Variants in CNTN4 observed in about 807,000 individuals in gnomAD.
CNTN4 encodes contactin-4.
CNTN4 carries 77 observed loss-of-function variants against 122.5 expected under a neutral mutation model. The ratio of observed to expected loss-of-function variants is 0.63; its 90% CI spans 0.52 to 0.76. The LOEUF (loss-of-function observed/expected upper bound fraction) is 0.76, where lower values mean the gene tolerates loss of function less well. CNTN4 is among the 30% of genes least tolerant of loss of function. CNTN4 has a pLI of 0.00. For synonymous variants in CNTN4, 512 were observed against 447.0 expected (o/e 1.15, Z -1.83); for missense variants, 1,256 against 1,259.1 (o/e 1.00, Z 0.04).
intron 3 of CNTN4, among the ~76,000 whole-genome samples, chr3:2,366,388 C>T (rs1382158925): frequency 2.0e-5 from 3 of 152,164 alleles, no homozygotes; most frequent in South Asian, 4.1e-4. Flanking sequence ...AAACTTATGC[C>T]CATTTCATTC....
intron 3 of CNTN4, among the ~76,000 whole-genome samples, chr3:2,373,010 G>C (rs1311766199): frequency 6.6e-6 from 1 of 152,122 alleles, no homozygotes; most frequent in African/African-American, 2.4e-5. Context: ...TCTCACCACT[G>C]CACCCCATCC....
At chr3:2,767,150 CAA>C (rs1411538076) in intron 6 of CNTN4, among the ~76,000 whole-genome samples, 1 of 152,080 alleles carries the variant, frequency 6.6e-6, no homozygotes, top group Non-Finnish European at 1.5e-5. Context: ...GCGAGGGTGA[CAA>C]AGAGAAGCTG....
chr3:2,556,890 G>A (rs370147593), intron 3 of CNTN4, among the ~76,000 whole-genome samples: 1 of 152,020 alleles, frequency 6.6e-6, no homozygotes, highest in Non-Finnish European at 1.5e-5. Flanking sequence ...ATGGAACAAA[G>A]TTTTTTCTAA....
At position 2,808,818 on chromosome 3, in the gene CNTN4, T is replaced by G. The variant is rs573219286; in HGVS notation, c.359-10668T>G. On this transcript the variant is annotated intron_variant, in intron 6 of 24. Transcript: ENST00000418658. ...GGCTCCATGCCCTTGATTGGACACCTTTTCTTGAAGTTATTCTCCAAAGCT... is the reference window on the plus strand; with the variant it reads ...GGCTCCATGCCCTTGATTGGACACCGTTTCTTGAAGTTATTCTCCAAAGCT... 3.3e-5 allele frequency among the ~76,000 whole-genome samples: 5 copies of G among 152,350 alleles called. No homozygotes were observed. The East Asian group carries it at 9.6e-4, about 29-fold the overall frequency.
chr3:2,957,190 T>A (rs1232541748), intron 13 of CNTN4, among the ~76,000 whole-genome samples: 2 of 150,646 alleles, frequency 1.3e-5, no homozygotes, highest in Non-Finnish European at 3.0e-5. Flanking sequence ...AGTTCTAATT[T>A]AAATTTTTTT....
intron 20 of CNTN4, among the ~76,000 whole-genome samples, chr3:3,040,646 T>C (rs1700077683): frequency 6.6e-6 from 1 of 152,228 alleles, no homozygotes; most frequent in African/African-American, 2.4e-5. Context: ...TCATAAAGCA[T>C]ATGGTACTTG....
At chr3:2,982,072 G>A (rs1694076341) in intron 13 of CNTN4, among the ~76,000 whole-genome samples, 1 of 152,120 alleles carries the variant, frequency 6.6e-6, no homozygotes, top group Admixed American at 6.5e-5. Context: ...CACATTAAAA[G>A]CAACAGGTCA....
chr3:2,406,193 T>C (rs2047030797), intron 3 of CNTN4, among the ~76,000 whole-genome samples: 2 of 152,186 alleles, frequency 1.3e-5, no homozygotes. Context: ...GGGGAAATGT[T>C]AAATTTCACA....
intron 3 of CNTN4, among the ~76,000 whole-genome samples, chr3:2,427,529 T>C (rs2047886876): frequency 6.6e-6 from 1 of 152,228 alleles, no homozygotes; most frequent in African/African-American, 2.4e-5. Flanking sequence ...GATGTGGTGC[T>C]GAGAAGAATG....
chr3:2,560,219 C>T lies in CNTN4; in HGVS notation c.-88-11197C>T, dbSNP rs149323338. 3.3e-3 allele frequency among the ~76,000 whole-genome samples: 502 copies of T among 151,760 alleles called. 3 individuals are homozygous for T. The highest frequency in any genetic ancestry group is 0.011 in the African/African-American group (474 of 41,386). ...GCAGTGGTGCAATCATGGCTCACTGCAGCCTCGATTTCCCAGGCTCAGGTG... is the reference window on the plus strand; with the variant it reads ...GCAGTGGTGCAATCATGGCTCACTGTAGCCTCGATTTCCCAGGCTCAGGTG... On this transcript the variant is annotated intron_variant, in intron 3 of 24. Coordinates refer to ENST00000418658, the MANE Select transcript of CNTN4 (RefSeq NM_175607.3).
chr3:2,185,790 A>G (rs1452358710), intron 2 of CNTN4, among the ~76,000 whole-genome samples: 2 of 152,114 alleles, frequency 1.3e-5, no homozygotes, highest in Non-Finnish European at 2.9e-5. Flanking sequence ...AATATTTGGG[A>G]GATTCTAAGC....
intron 3 of CNTN4, among the ~76,000 whole-genome samples, chr3:2,440,028 C>A (rs1348778251): frequency 6.6e-6 from 1 of 152,182 alleles, no homozygotes; most frequent in African/African-American, 2.4e-5. Flanking sequence ...GCCAAGGGAA[C>A]TGCACAGAAG....
At chr3:2,634,824 C>G (rs1032827900) in intron 4 of CNTN4, among the ~76,000 whole-genome samples, 2 of 151,750 alleles carry the variant, frequency 1.3e-5, no homozygotes, top group Non-Finnish European at 2.9e-5. Context: ...CCACTGTACT[C>G]CAGCCTGGGT....
At chr3:2,266,616 C>A (rs1011427016) in intron 2 of CNTN4, among the ~76,000 whole-genome samples, 1 of 152,036 alleles carries the variant, frequency 6.6e-6, no homozygotes, top group African/African-American at 2.4e-5. Context: ...CCTTAAGGGA[C>A]TAGGATCAAA....
At chr3:2,639,393 A>G (rs1037731068) in intron 4 of CNTN4, among the ~76,000 whole-genome samples, 4 of 152,070 alleles carry the variant, frequency 2.6e-5, no homozygotes, top group African/African-American at 9.7e-5. Flanking sequence ...GCCCAACTCC[A>G]TCTCTTCCTC....
At chr3:2,867,091 T>C (rs2093732116) in intron 8 of CNTN4, 142 bp downstream of exon 8, 4 of 754,978 alleles carry the variant, frequency 5.3e-6, no homozygotes, top group Admixed American at 4.3e-5. Flanking sequence ...TTGGTACCCA[T>C]ATTTTCTCCA....
intron 4 of CNTN4, among the ~76,000 whole-genome samples, chr3:2,645,215 GA>G (rs199711164): frequency 4.3e-4 from 64 of 150,246 alleles, no homozygotes; most frequent in African/African-American, 1.2e-3. Context: ...GTGCTCTGGG[GA>G]AAAAAAAAGC....
intron 2 of CNTN4, among the ~76,000 whole-genome samples, chr3:2,157,050 A>G (rs953590420): frequency 1.8e-4 from 27 of 152,198 alleles, no homozygotes; most frequent in Non-Finnish European, 3.4e-4. Flanking sequence ...GGTTTACCAA[A>G]TAGATTTCAT....
At position 2,287,700 on chromosome 3, in the gene CNTN4, GAAGAAGAAGAGGAAGAA is replaced by G. The variant is rs2041976604; in HGVS notation, c.-144-51477_-144-51461del. Among the ~76,000 whole-genome samples, 94 of 78,422 alleles carry G rather than the reference GAAGAAGAAGAGGAAGAA, an allele frequency of 1.2e-3. 2 individuals carry two copies. The highest frequency in any genetic ancestry group is 1.5e-3 in the Non-Finnish European group (60 of 38,774). The allele number at this position is 78,422 out of a possible 152,430, so 51.4% of individuals were successfully genotyped here. ...AGAAGAAGAAGAAGAAGAGGAAGAA[GAAGAAGAAGAGGAAGAA>G]GAAGAAGAAGAAGAAGAAGAAGAAG... On this transcript the variant is annotated intron_variant, in intron 2 of 24. Transcript: ENST00000418658.
Sources: allele counts gnomAD v4.1 joint callset (sites outside exome capture counted in the v4.1 genomes callset), GRCh38; gene constraint gnomAD v4.1.1; transcripts MANE v1.5; gene names NCBI Gene and HGNC (gene_info 2026-07-23, HGNC 2026-07-21).